Variants in PTPRD observed in about 807,000 individuals in gnomAD.
PTPRD encodes the protein receptor-type tyrosine-protein phosphatase delta.
In PTPRD, 34 loss-of-function variants were observed where a neutral mutation model predicts 214.5. The observed-to-expected ratio is 0.16, with a 90% CI of 0.12 to 0.21. The LOEUF (loss-of-function observed/expected upper bound fraction) is 0.21. PTPRD is among the 10% of genes least tolerant of loss of function. PTPRD has a pLI of 1.00. For missense variants in PTPRD, 2,545 were observed against 2,398.7 expected (o/e 1.06, Z -1.27); for synonymous variants, 1,128 against 845.7 (o/e 1.33, Z -5.79).
At chr9:8,336,189 T>C (rs1353804482) in intron 43 of PTPRD, among the ~76,000 whole-genome samples, 1 of 148,774 alleles carries the variant, frequency 6.7e-6, no homozygotes, top group Non-Finnish European at 1.5e-5. Flanking sequence ...TGAGAGATCA[T>C]GCTACCTGAC....
chr9:10,341,834 C>G (rs78495997), intron 2 of PTPRD, among the ~76,000 whole-genome samples: 1 of 151,042 alleles, frequency 6.6e-6, no homozygotes, highest in African/African-American at 2.5e-5. Context: ...AATATTAATT[C>G]TTTTTTCCCC....
chr9:10,111,307 C>T (rs1157950220), intron 3 of PTPRD, among the ~76,000 whole-genome samples: 2 of 123,052 alleles, frequency 1.6e-5, no homozygotes, highest in Non-Finnish European at 3.2e-5. Context: ...GGCGGGATCT[C>T]GGCTCACTGC....
intron 9 of PTPRD, among the ~76,000 whole-genome samples, chr9:9,249,674 T>C (rs561258550): frequency 6.6e-6 from 1 of 152,092 alleles, no homozygotes; most frequent in South Asian, 2.1e-4. Context: ...TGCTAAAGTT[T>C]CAACTATGCA....
At position 8,581,299 on chromosome 9, in the gene PTPRD, A is replaced by G. The variant is rs550884958; in HGVS notation, c.352+52018T>C. Among the ~76,000 whole-genome samples, 72 of 152,366 alleles carry G rather than the reference A, an allele frequency of 4.7e-4. No homozygotes were observed. The South Asian group carries it at 0.014, about 30-fold the overall frequency. ...AGAAAGCAGAAATTAGCAATAGGTAAAAATAGAAATTGGTGAAATACAAAA... is the reference window on the plus strand; with the variant it reads ...AGAAAGCAGAAATTAGCAATAGGTAGAAATAGAAATTGGTGAAATACAAAA... On this transcript the variant is annotated intron_variant, in intron 14 of 45. Coordinates refer to ENST00000381196, the MANE Select transcript of PTPRD (RefSeq NM_002839.4).
At chr9:9,930,602 A>G (rs2086146581) in intron 5 of PTPRD, among the ~76,000 whole-genome samples, 1 of 152,216 alleles carries the variant, frequency 6.6e-6, no homozygotes, top group Admixed American at 6.5e-5. Context: ...TTGTGATTAT[A>G]TAATGTAATT....
intron 3 of PTPRD, among the ~76,000 whole-genome samples, chr9:10,273,089 G>A (rs150249370): frequency 1.3e-5 from 2 of 152,254 alleles, no homozygotes; most frequent in Non-Finnish European, 2.9e-5. Flanking sequence ...CTAATTTCCA[G>A]TTCTGATATT....
At chr9:9,888,580 G>C (rs576515469) in intron 5 of PTPRD, among the ~76,000 whole-genome samples, 4 of 152,052 alleles carry the variant, frequency 2.6e-5, no homozygotes, top group Admixed American at 6.6e-5. Context: ...GTTAAAAATA[G>C]GCTGGCAATT....
intron 11 of PTPRD, among the ~76,000 whole-genome samples, chr9:8,952,946 A>C (rs1363717578): frequency 1.7e-5 from 2 of 120,192 alleles, no homozygotes; most frequent in African/African-American, 2.7e-5. Flanking sequence ...AGCAACTTTC[A>C]GTATATGTTA....
chr9:9,310,619 G>T (rs937139608), intron 9 of PTPRD, among the ~76,000 whole-genome samples: 1 of 152,056 alleles, frequency 6.6e-6, no homozygotes, highest in Non-Finnish European at 1.5e-5. Flanking sequence ...CATTTTCACA[G>T]ATAATCTCAC....
At chr9:10,525,667 T>C (rs1045670663) in intron 2 of PTPRD, among the ~76,000 whole-genome samples, 29 of 151,864 alleles carry the variant, frequency 1.9e-4, no homozygotes, top group African/African-American at 6.3e-4. Flanking sequence ...TCCACACATA[T>C]CCAGAAAGCT....
chr9:8,537,332 T>A (rs1035139749), intron 14 of PTPRD, among the ~76,000 whole-genome samples: 2 of 151,836 alleles, frequency 1.3e-5, no homozygotes, highest in African/African-American at 4.8e-5. Context: ...CAAGAAACTA[T>A]ATAAAGCAGA....
chr9:8,639,820 G>T (rs995068343), intron 12 of PTPRD, among the ~76,000 whole-genome samples: 1 of 152,180 alleles, frequency 6.6e-6, no homozygotes, highest in Non-Finnish European at 1.5e-5. Context: ...ATTTCTAAAT[G>T]GAGTGCAGAG....
chr9:8,740,095 T>A (rs2091534870), intron 11 of PTPRD, among the ~76,000 whole-genome samples: 1 of 152,218 alleles, frequency 6.6e-6, no homozygotes, highest in Non-Finnish European at 1.5e-5. Flanking sequence ...AGATTTCATT[T>A]TTTTTAAATT....
chr9:10,055,027 CCT>C (rs2097600521), intron 3 of PTPRD, among the ~76,000 whole-genome samples: 1 of 151,734 alleles, frequency 6.6e-6, no homozygotes. Flanking sequence ...TCTCTCTTTC[CCT>C]CTCTTTTTCT....
intron 12 of PTPRD, among the ~76,000 whole-genome samples, chr9:8,714,337 A>C (rs1444658944): frequency 6.6e-6 from 1 of 151,744 alleles, no homozygotes; most frequent in Non-Finnish European, 1.5e-5. Flanking sequence ...GTTTTGTTTT[A>C]TATCACGGCC....
chr9:8,911,033 G>A lies in PTPRD; in HGVS notation c.-104+107664C>T, dbSNP rs182408988. 7.3e-4 allele frequency among the ~76,000 whole-genome samples: 111 copies of A among 152,296 alleles called. 2 individuals are homozygous for A. The highest frequency in any genetic ancestry group is 6.7e-3 in the Admixed American group (103 of 15,298). On this transcript the variant is annotated intron_variant, in intron 11 of 45. Transcript: ENST00000381196. ...TGGTCATTCTCGTTCAAACTTATCT[G>A]TAGATTCAACACAATCTGAATCAAA...
chr9:9,959,132 G>T (rs544014779), intron 4 of PTPRD, among the ~76,000 whole-genome samples: 1 of 152,028 alleles, frequency 6.6e-6, no homozygotes. Context: ...TAAACAAATT[G>T]TAGTATATCT....
At chr9:9,511,923 T>G (rs2096719603) in intron 8 of PTPRD, among the ~76,000 whole-genome samples, 1 of 151,782 alleles carries the variant, frequency 6.6e-6, no homozygotes, top group South Asian at 2.1e-4. Context: ...AAACTGCTAT[T>G]TGCATTCTTC....
chr9:9,956,966 C>T lies in PTPRD; in HGVS notation c.-471-18356G>A, dbSNP rs561162730. 7.2e-5 allele frequency among the ~76,000 whole-genome samples: 11 copies of T among 152,032 alleles called. No homozygotes were observed. In the South Asian group the frequency reaches 2.3e-3, roughly 32 times the overall value. ...AGGTGGTAGCAAAAAAAATCAGTGC[C>T]CGTAACTAGCTAAGGGTCAGAACCT... is the stretch of plus-strand genomic sequence containing the variant. On this transcript the variant is annotated intron_variant, in intron 4 of 45. Coordinates refer to ENST00000381196, the MANE Select transcript of PTPRD (RefSeq NM_002839.4).
Sources: allele counts gnomAD v4.1 joint callset (sites outside exome capture counted in the v4.1 genomes callset), GRCh38; gene constraint gnomAD v4.1.1; transcripts MANE v1.5; gene names NCBI Gene and HGNC (gene_info 2026-07-23, HGNC 2026-07-21).